PYGM: variants seen among roughly 807,000 people sequenced by gnomAD.
PYGM encodes glycogen phosphorylase, muscle associated, also known as glycogen phosphorylase, muscle form.
In PYGM, 81 loss-of-function variants were observed where a neutral mutation model predicts 99.3. That is an observed-to-expected ratio of 0.82 (90% CI 0.68 to 0.98). The LOEUF (loss-of-function observed/expected upper bound fraction) is 0.98, where lower values mean the gene tolerates loss of function less well. PYGM is among the 50% of genes least tolerant of loss of function. The pLI, the probability that PYGM is intolerant of heterozygous loss-of-function variation, is 0.00. For synonymous variants in PYGM, 436 were observed against 451.5 expected, an observed-to-expected ratio of 0.97 and a Z score of 0.44; for missense variants, 1,030 against 1,158.1, an observed-to-expected ratio of 0.89 and a Z score of 1.61.
chr11:64,759,722 G>A lies in PYGM; in HGVS notation c.177C>T (p.Thr59=), dbSNP rs753355735. The A allele has an allele frequency of 6.2e-6, 10 of 1,614,084 alleles. No individual in the cohort carries two copies. The highest frequency in any genetic ancestry group is 2.2e-5 in the South Asian group (2 of 91,088). The change falls in exon 1 of 20, where the codon ACC becomes ACT. Residue 59 remains threonine (T), a synonymous_variant. Coordinates refer to ENST00000164139, the MANE Select transcript of PYGM (RefSeq NM_005609.4). ...AGCGCCCCACGAGGTGGTCGCGCAC[G>A]GTATGGGCCAGAGCAAAGTAGTAGT... is the stretch of plus-strand genomic sequence containing the variant. ...PRDYYFALAH[T]VRDHLVGRWI...
Position 64,758,621 on chromosome 11 carries a change from A to G in PYGM, c.327T>C (p.Cys109=), listed in dbSNP as rs1488873157. Residue 109 remains cysteine, a synonymous_variant, in exon 2 of 20, where the codon TGT becomes TGC. Transcript: ENST00000164139. ...CACACACCTGGTAGGTGGCCTCGTCACAGGCATTCTCTAAGGCCAGGTTCA... is the reference window on the plus strand; with the variant it reads ...CACACACCTGGTAGGTGGCCTCGTCGCAGGCATTCTCTAAGGCCAGGTTCA... ...TMVNLALENA[C]DEATYQLGLD... 1.2e-6 allele frequency: 2 copies of G among 1,613,428 alleles called. No homozygotes were observed. Among genetic ancestry groups the G allele is most frequent in the African/African-American group, 2.7e-5 (2 of 74,878 alleles).
rs1025481959 is a variant in PYGM, at chr11:64,759,664, C to A, written c.235G>T (p.Asp79Tyr). 2 of 1,613,836 alleles carry A rather than the reference C, an allele frequency of 1.2e-6. No homozygotes were observed. Among genetic ancestry groups the A allele is most frequent in the Non-Finnish European group, 1.7e-6 (2 of 1,179,904 alleles). The change falls in exon 1 of 20, where the codon GAC becomes TAC. Residue 79 changes from aspartate (D) to tyrosine (Y), a missense_variant. Transcript: ENST00000164139. ...IRTQQHYYEKDPKRIYYLSLE... is the reference protein window; with the variant it reads ...IRTQQHYYEKYPKRIYYLSLE... ...AGGCTCCCCAGCAGCACCTTGGGGT[C>A]CTTCTCATAGTAGTGCTGCTGCGTG...
In PYGM at chr11:64,752,025, A is replaced by C; in HGVS notation, c.1667T>G (p.Val556Gly). The C allele has an allele frequency of 6.2e-7, 1 of 1,613,872 alleles. No individual in the cohort carries two copies. The highest frequency in any genetic ancestry group is 8.5e-7 in the Non-Finnish European group (1 of 1,179,946). ...GAAGAGTGAGTTGGGGTTGATGTGG[A>C]CTTTGTATTCCCTCTCTAGGTAGGC... is the stretch of plus-strand genomic sequence containing the variant. Reference protein sequence around the residue: ...FAAYLEREYKVHINPNSLFDI... With the variant: ...FAAYLEREYKGHINPNSLFDI... Residue 556 changes from valine (V) to glycine (G), a missense_variant, in exon 14 of 20, where the codon GTC (valine) becomes GGC (glycine). By Grantham distance (109) the Val-to-Gly change is moderately radical. Transcript: ENST00000164139.
Position 64,754,962 on chromosome 11 carries a change from G to T in PYGM, c.856-126C>A. The T allele has an allele frequency of 7.6e-7, 1 of 1,321,864 alleles. No individual in the cohort carries two copies. The highest frequency in any genetic ancestry group is 1.0e-6 in the Non-Finnish European group (1 of 968,236). The allele number at this position is 1,321,864 out of a possible 1,614,324, so 81.9% of individuals were successfully genotyped here. A position where few individuals can be genotyped will look rare whatever the true frequency, so the allele number is the denominator to read the frequency against. ...TGAGCCCTGAGCCGGCCCCCTCTCT[G>T]GGACCCAGGGGCCTTTCCTCCACCA... is the stretch of plus-strand genomic sequence containing the variant. On this transcript the variant is annotated intron_variant, in intron 7 of 19. Transcript: ENST00000164139. This position sits in a 1 kb window ranked among gnomAD's most constrained non-coding sequence, Gnocchi z 5.5.
intron 17 of PYGM, among the ~76,000 whole-genome samples, chr11:64,750,135 C>T (rs1246075621): frequency 6.6e-6 from 1 of 152,172 alleles, no homozygotes; most frequent in African/African-American, 2.4e-5. Context: ...ACAATATTAT[C>T]TCTTAGGGTT....
rs119103259 is a variant in PYGM, at chr11:64,751,597, C to T, written c.1827G>A (p.Lys609=). Residue 609 remains lysine (K), a splice_region_variant and synonymous_variant, in exon 15 of 20, where the codon AAG becomes AAA. Transcript: ENST00000164139. ...CCAGGGCTGGAGCCTGGCTTCTCAC[C>T]TTCCCTCCAATCATCACAGTCCGAG... ...FVPRTVMIGG[K]AAPGYHMAKM... 3.1e-6 allele frequency: 5 copies of T among 1,614,084 alleles called. No homozygotes were observed. Among genetic ancestry groups the T allele is most frequent in the Admixed American group, 1.7e-5 (1 of 60,028 alleles).
chr11:64,758,753 A>C, intron 1 of PYGM, 49 bp from the exon 2 acceptor site: 4 of 1,503,170 alleles, frequency 2.7e-6, no homozygotes, highest in Non-Finnish European at 3.7e-6. Context: ...GCCACACACC[A>C]ACACTCAGCC....
Position 64,759,633 on chromosome 11 carries a change from C to T in PYGM, c.243+23G>A, listed in dbSNP as rs571524928. The T allele has an allele frequency of 2.1e-5, 34 of 1,612,392 alleles. No individual in the cohort carries two copies. In the South Asian group the frequency reaches 3.2e-4, roughly 15 times the overall value. On this transcript the variant is annotated intron_variant, in intron 1 of 19. Transcript: ENST00000164139. ...TGGCAGCGCCTTCAGCCCATACCCC[C>T]ACCCCAGGCTCCCCAGCAGCACCTT...
rs1344979389 is a variant in PYGM, at chr11:64,750,571, G to A, written c.1982C>T (p.Ala661Val). The change falls in exon 17 of 20, where the codon GCA (alanine) becomes GTA (valine). Residue 661 changes from alanine (A) to valine (V), a missense_variant. Transcript: ENST00000164139. ...VSLAEKVIPAADLSEQISTAG... is the reference protein window; with the variant it reads ...VSLAEKVIPAVDLSEQISTAG... ...AGTGGAGATCTGCTCAGAGAGGTCT[G>A]CAGCTGGGATCACTGTGGGGTGGCA... 5.6e-6 allele frequency: 9 copies of A among 1,613,952 alleles called. No homozygotes were observed. The highest frequency in any genetic ancestry group is 6.8e-6 in the Non-Finnish European group (8 of 1,179,964).
chr11:64,751,948 G>A lies in PYGM; in HGVS notation c.1744C>T (p.Leu582Phe), dbSNP rs766179801. 7.4e-6 allele frequency: 12 copies of A among 1,614,086 alleles called. No homozygotes were observed. The highest frequency in any genetic ancestry group is 2.2e-5 in the East Asian group (1 of 44,898). Residue 582 changes from leucine (L) to phenylalanine (F), a missense_variant, in exon 14 of 20, where the codon CTC becomes TTC. Transcript: ENST00000164139. ...CGGTTGTACAGGGTGATGACATGGA[G>A]GCAGTTGAGGAGCTGTCGTTTATAT... ...HEYKRQLLNC[L>F]HVITLYNRIK...
intron 12 of PYGM, 25 bp downstream of exon 12, chr11:64,753,048 T>C (rs1239470903): frequency 6.4e-7 from 1 of 1,555,502 alleles, no homozygotes; most frequent in African/African-American, 1.4e-5. Context: ...ATGTTGACTC[T>C]ACTGGCCCTA....
At position 64,755,324 on chromosome 11, in the gene PYGM, CA is replaced by C; in HGVS notation, c.803del (p.Leu268TrpfsTer27). 4.3e-6 allele frequency: 7 copies of C among 1,614,138 alleles called. No individual in the cohort carries two copies. The highest frequency in any genetic ancestry group is 5.9e-6 in the Non-Finnish European group (7 of 1,180,018). On this transcript the variant is annotated frameshift_variant, in exon 7 of 20. Coordinates refer to ENST00000164139, the MANE Select transcript of PYGM (RefSeq NM_005609.4). LOFTEE classifies it high-confidence loss of function. This position sits in a 1 kb window ranked among gnomAD's most constrained non-coding sequence, Gnocchi z 4.1. ...FNVGGYIQAV[L>X]DRNLAENISR... ...AGATGTTCTCCGCCAGGTTTCGGTCCAACACAGCCTGGATGTAGCCACCGAC... is the reference window on the plus strand; with the variant it reads ...AGATGTTCTCCGCCAGGTTTCGGTCCACACAGCCTGGATGTAGCCACCGAC...
Position 64,750,376 on chromosome 11 carries a change from C to T in PYGM, c.2177G>A (p.Gly726Glu), listed in dbSNP as rs1190587944. ...VEDVDKLDQR[G>E]YNAQEYYDRI... ...TGCCCGTGAACCCTGACCCCCATAC[C>T]CTCTTTGGTCAAGCTTATCCACATC... Residue 726 changes from glycine to glutamate, a missense_variant and splice_region_variant, in exon 17 of 20, where the codon GGG becomes GAG. Coordinates refer to ENST00000164139, the MANE Select transcript of PYGM (RefSeq NM_005609.4). 2 of 1,614,094 alleles carry T rather than the reference C, an allele frequency of 1.2e-6. No homozygotes were observed. Among genetic ancestry groups the T allele is most frequent in the East Asian group, 2.2e-5 (1 of 44,876 alleles).
At chr11:64,757,326 G>A (rs1215600352) in intron 5 of PYGM, among the ~76,000 whole-genome samples, 2 of 152,122 alleles carry the variant, frequency 1.3e-5, no homozygotes, top group African/African-American at 4.8e-5. Flanking sequence ...CTAAAGTGCT[G>A]GGATTACGGG....
chr11:64,754,454 G>A lies in PYGM; in HGVS notation c.1000-109C>T. The stretch of plus-strand genomic sequence containing the variant: ...GAGAGCCCAGCACGGTTCTGTGACT[G>A]GGCTGTGGGCAGAGGCAGGCCGGTG... On this transcript the variant is annotated intron_variant, in intron 8 of 19. Coordinates refer to ENST00000164139, the MANE Select transcript of PYGM (RefSeq NM_005609.4). The surrounding 1 kb of genome is among the most constrained non-coding windows in gnomAD (Gnocchi z 5.5). 1.8e-6 allele frequency: 2 copies of A among 1,102,638 alleles called. No individual in the cohort carries two copies. Among genetic ancestry groups the A allele is most frequent in the South Asian group, 1.4e-5 (1 of 73,616 alleles). 68.3% of individuals were successfully genotyped at this position (1,102,638 alleles called of 1,614,324 possible).
chr11:64,753,981 C>G lies in PYGM; in HGVS notation c.1137G>C (p.Thr379=), dbSNP rs756447366. 1.2e-6 allele frequency: 2 copies of G among 1,606,584 alleles called. No individual in the cohort carries two copies. The highest frequency in any genetic ancestry group is 1.7e-6 in the Non-Finnish European group (2 of 1,176,430). The change falls in exon 10 of 20, where the codon ACG becomes ACC. Residue 379 remains threonine (T), a synonymous_variant. Coordinates refer to ENST00000164139, the MANE Select transcript of PYGM (RefSeq NM_005609.4). ...TVRTCAYTNH[T]VLPEALERWP... ...AGCGCTCCAGGGCCTCGGGCAGCACCGTGTGGTTGGTGTAGGCACAGGTCC... is the reference window on the plus strand; with the variant it reads ...AGCGCTCCAGGGCCTCGGGCAGCACGGTGTGGTTGGTGTAGGCACAGGTCC...
At chr11:64,760,297 G>C, upstream of PYGM, 1 of 242,908 alleles carries the variant, frequency 4.1e-6, no homozygotes, top group South Asian at 5.8e-5. Flanking sequence ...AACCAGGATG[G>C]GAGGCCATGT....
At position 64,750,553 on chromosome 11, in the gene PYGM, A is replaced by G; in HGVS notation, c.2000T>C (p.Ile667Thr). Residue 667 changes from isoleucine to threonine, a missense_variant, in exon 17 of 20, where the codon ATC becomes ACC. By Grantham distance (89) the Ile-to-Thr change is moderately conservative (BLOSUM62 -1). Transcript: ENST00000164139. ...TGAGGCTTCAGTGCCCGCAGTGGAG[A>G]TCTGCTCAGAGAGGTCTGCAGCTGG... Reference protein sequence around the residue: ...VIPAADLSEQISTAGTEASGT... With the variant: ...VIPAADLSEQTSTAGTEASGT... 1 of 1,614,110 alleles carries G rather than the reference A, an allele frequency of 6.2e-7. No individual in the cohort carries two copies. The highest frequency in any genetic ancestry group is 1.1e-5 in the South Asian group (1 of 91,080).
chr11:64,749,022 C>G (rs937163807), intron 17 of PYGM: 1 of 150,188 alleles, frequency 6.7e-6, no homozygotes, highest in Non-Finnish European at 1.5e-5. Flanking sequence ...GCACTCCAGC[C>G]TAGGTGACAG....
Sources: gnomAD v4.1 joint callset for allele counts (sites outside exome capture counted in the v4.1 genomes callset) on GRCh38, gnomAD v4.1.1 for gene constraint, Gnocchi (gnomAD v3.1) non-coding constraint, MANE v1.5 for transcripts, NCBI Gene and HGNC (gene_info 2026-07-23, HGNC 2026-07-21) for gene names.